The following ADGRL3 variants were observed in gnomAD, a reference collection of about 807,000 sequenced individuals.
ADGRL3 encodes the protein calcium-independent alpha-latrotoxin receptor 3.
Under a neutral mutation model 153.5 loss-of-function variants are expected in ADGRL3, and 62 were observed. The observed-to-expected ratio is 0.40, with a 90% CI of 0.33 to 0.50. The LOEUF (loss-of-function observed/expected upper bound fraction) is 0.50. Among genes scored for constraint, ADGRL3 ranks in the 20% least tolerant of loss-of-function variants. ADGRL3 has a pLI of 0.47. For missense variants in ADGRL3, 1,641 were observed against 1,859.4 expected, an observed-to-expected ratio of 0.88 and a Z score of 2.16; for synonymous variants, 710 against 672.5, an observed-to-expected ratio of 1.06 and a Z score of -0.86.
intron 1 of ADGRL3, among the ~76,000 whole-genome samples, chr4:61,297,103 T>A (rs1347584548): frequency 6.6e-6 from 1 of 152,174 alleles, no homozygotes; most frequent in Non-Finnish European, 1.5e-5. Flanking sequence ...TCATTATATG[T>A]TTCTTAATAA....
chr4:61,322,812 C>T (rs372660763), intron 1 of ADGRL3, among the ~76,000 whole-genome samples: 1 of 152,196 alleles, frequency 6.6e-6, no homozygotes. Context: ...GCACACGGTG[C>T]AAGCTGTCAG....
intron 1 of ADGRL3, among the ~76,000 whole-genome samples, chr4:61,253,076 G>T (rs576892061): frequency 6.6e-6 from 1 of 152,122 alleles, no homozygotes; most frequent in Non-Finnish European, 1.5e-5. Context: ...CAGGAATCTG[G>T]CTGCTTTCTG....
chr4:61,801,837 T>A (rs2097501255), intron 8 of ADGRL3, among the ~76,000 whole-genome samples: 1 of 152,130 alleles, frequency 6.6e-6, no homozygotes, highest in African/African-American at 2.4e-5. Context: ...TTTGAAATAA[T>A]TTTTCAGTAA....
At chr4:61,241,541 A>C (rs1754963893) in intron 1 of ADGRL3, among the ~76,000 whole-genome samples, 1 of 152,110 alleles carries the variant, frequency 6.6e-6, no homozygotes, top group Non-Finnish European at 1.5e-5. Flanking sequence ...TAAATAAATT[A>C]ATTCTTATTT....
intron 4 of ADGRL3, among the ~76,000 whole-genome samples, chr4:61,562,840 A>C (rs530538880): frequency 6.6e-6 from 1 of 151,828 alleles, no homozygotes. Flanking sequence ...GGCATTAAGA[A>C]TGGTAAATCC....
chr4:61,562,360 T>G (rs2098798771), intron 4 of ADGRL3, among the ~76,000 whole-genome samples: 1 of 152,132 alleles, frequency 6.6e-6, no homozygotes, highest in Non-Finnish European at 1.5e-5. Flanking sequence ...CAGTGAAGTT[T>G]GTTATATGGA....
chr4:61,702,034 G>A (rs1275567918), intron 6 of ADGRL3, among the ~76,000 whole-genome samples: 10 of 152,158 alleles, frequency 6.6e-5, no homozygotes, highest in Admixed American at 5.9e-4. Context: ...AAGATCACTA[G>A]TTCAGTGACT....
At chr4:61,760,853 T>G (rs1410039476) in intron 8 of ADGRL3, among the ~76,000 whole-genome samples, 1 of 152,166 alleles carries the variant, frequency 6.6e-6, no homozygotes, top group Non-Finnish European at 1.5e-5. Flanking sequence ...GAAAGAATAA[T>G]TCACACAGAC....
chr4:62,064,544 G>A (rs62306381), intron 25 of ADGRL3, among the ~76,000 whole-genome samples: 3,913 of 152,050 alleles, frequency 0.026, 66 homozygotes, highest in Middle Eastern at 0.051. Context: ...AATTATATTT[G>A]AAAGAAAATT....
intron 2 of ADGRL3, among the ~76,000 whole-genome samples, chr4:61,428,769 C>T (rs147085285): frequency 6.6e-6 from 1 of 152,102 alleles, no homozygotes; most frequent in Admixed American, 6.5e-5. Flanking sequence ...TAACATAGAC[C>T]TATCTAACTG....
rs2098598751 is a variant in ADGRL3 at position 61,892,909 on chromosome 4, G to C, written c.1734G>C (p.Lys578Asn). 1 of 1,574,688 alleles carries C rather than the reference G, an allele frequency of 6.4e-7. No individual in the cohort carries two copies. The highest frequency in any genetic ancestry group is 8.6e-7 in the Non-Finnish European group (1 of 1,165,050). ...AVEAREIMWF[K>N]TRQGQIAKQP... ...AAGCCCGAGAAATCATGTGGTTTAA[G>C]ACTCGTCAAGGACAGATAGCAAAGC... The change falls in exon 10 of 27, where the codon AAG becomes AAC. Residue 578 changes from lysine (K) to asparagine (N), a missense_variant. Physicochemically the swap from Lys to Asn is moderately conservative, Grantham distance 94 (BLOSUM62 0). Around this residue, in one of 5 missense-constraint regions of ADGRL3, gnomAD observed 734 missense variants for 797.0 expected, o/e 0.92. Transcript: ENST00000683033.
chr4:61,874,495 A>G (rs1561397723), intron 9 of ADGRL3, among the ~76,000 whole-genome samples: 2 of 152,050 alleles, frequency 1.3e-5, no homozygotes, highest in Non-Finnish European at 2.9e-5. Flanking sequence ...CCCACATTCA[A>G]GGGGTGGGAA....
rs561345062 is a variant in ADGRL3 at position 61,247,457 on chromosome 4, TA to T, written c.-240+45696del. On this transcript the variant is annotated intron_variant, in intron 1 of 26. Transcript: ENST00000683033. ...GACAGCACAAATTGTAAATCTTGGA[TA>T]AAATCATTATCTGCATTGGTTGTGA... Among the ~76,000 whole-genome samples the T allele has an allele frequency of 1.6e-4, 24 of 152,236 alleles. No homozygotes were observed. The South Asian group carries it at 4.6e-3, about 29-fold the overall frequency.
At chr4:61,579,598 G>A (rs775212705) in intron 4 of ADGRL3, 23 of 514,674 alleles carry the variant, frequency 4.5e-5, no homozygotes, top group Non-Finnish European at 8.1e-5. Flanking sequence ...AAAAGGATGA[G>A]GTTCATGATG....
chr4:61,495,866 A>G (rs991074842), intron 2 of ADGRL3, among the ~76,000 whole-genome samples: 1 of 152,216 alleles, frequency 6.6e-6, no homozygotes, highest in African/African-American at 2.4e-5. Flanking sequence ...TGAGCATTCA[A>G]TTAACCTCTG....
intron 9 of ADGRL3, among the ~76,000 whole-genome samples, chr4:61,853,880 A>T (rs569566207): frequency 6.6e-6 from 1 of 152,200 alleles, no homozygotes; most frequent in African/African-American, 2.4e-5. Context: ...ATTCCCTAAC[A>T]TAATTGTTTT....
At chr4:61,384,135 A>C (rs147943952) in intron 2 of ADGRL3, among the ~76,000 whole-genome samples, 3 of 152,080 alleles carry the variant, frequency 2.0e-5, no homozygotes, top group African/African-American at 7.2e-5. Flanking sequence ...ACTTAAAACT[A>C]TAAAAATATT....
At chr4:61,793,800 G>A (rs2097373094) in intron 8 of ADGRL3, among the ~76,000 whole-genome samples, 2 of 152,000 alleles carry the variant, frequency 1.3e-5, no homozygotes, top group Admixed American at 1.3e-4. Context: ...TAAACTTGAT[G>A]AAACTTACCT....
chr4:61,327,707 A>T (rs752045418), intron 1 of ADGRL3, among the ~76,000 whole-genome samples: 3 of 152,018 alleles, frequency 2.0e-5, no homozygotes, highest in Non-Finnish European at 4.4e-5. Flanking sequence ...AAATAAAGAG[A>T]TTGACAAAGA....
Sources: allele counts gnomAD v4.1 joint callset (sites outside exome capture counted in the v4.1 genomes callset), GRCh38; gene constraint gnomAD v4.1.1; regional missense constraint gnomAD v4.1.1; transcripts MANE v1.5; gene names NCBI Gene and HGNC (gene_info 2026-07-23, HGNC 2026-07-21).